Variants in MORC4 observed in about 807,000 individuals in gnomAD.
MORC4 encodes MORC family CW-type zinc finger 4, also known as MORC family CW-type zinc finger protein 4.
MORC4 carries 22 observed loss-of-function variants against 65.5 expected under a neutral mutation model. The ratio of observed to expected loss-of-function variants is 0.34; its 90% CI spans 0.24 to 0.48. The LOEUF is 0.48. MORC4 is among the 20% of genes least tolerant of loss of function. The pLI, the probability that MORC4 is intolerant of heterozygous loss-of-function variation, is 0.99. For missense variants in MORC4, 624 were observed against 703.0 expected (o/e 0.89, Z 1.27); for synonymous variants, 267 against 255.8 (o/e 1.04, Z -0.42).
intron 5 of MORC4, among the ~76,000 whole-genome samples, chrX:106,982,269 TA>T (rs1934762538): frequency 8.9e-6 from 1 of 112,295 alleles, no homozygotes; most frequent in African/African-American, 3.2e-5. Flanking sequence ...TAAAAAGAAA[TA>T]AATACATAAA....
At chrX:106,975,536 C>T (rs926747431) in intron 9 of MORC4, among the ~76,000 whole-genome samples, 1 of 111,430 alleles carries the variant, frequency 9.0e-6, no homozygotes, top group Non-Finnish European at 1.9e-5. Flanking sequence ...AATTAAGGTA[C>T]AAGACTTGAC....
At chrX:106,945,927 CACTAACCAAGACAGAGA>C (rs1341550291) in intron 14 of MORC4, among the ~76,000 whole-genome samples, 60 of 111,786 alleles carry the variant, frequency 5.4e-4, no homozygotes, top group African/African-American at 1.9e-3. Context: ...TGTATTATTT[CACTAACCAAGACAGAGA>C]ATGATACATT....
Position 106,958,497 on chromosome X carries a change from A to G in MORC4, c.1257-33T>C, listed in dbSNP as rs922554027. On this transcript the variant is annotated intron_variant, in intron 10 of 16. Transcript: ENST00000355610. ...AAGGAAAATGGAAGTGTGACTGTGT[A>G]TATCTTAGCTCTGTGCTTTGTCTTA... 2.6e-6 allele frequency: 3 copies of G among 1,170,007 alleles called. No individual in the cohort carries two copies. The African/African-American group carries it at 5.4e-5, about 21-fold the overall frequency.
chrX:106,944,163 C>T (rs867133258), intron 14 of MORC4, among the ~76,000 whole-genome samples: 4 of 112,292 alleles, frequency 3.6e-5, no homozygotes, highest in Admixed American at 9.4e-5. Flanking sequence ...GCCCATATTT[C>T]TCTGTATTTT....
chrX:106,963,540 C>T lies in MORC4; in HGVS notation c.1158-1430G>A, dbSNP rs188061635. ...TTGCAATTCTATCCTCTGATCACTG[C>T]TTGCTGCTTCTGATCACAGATGTGA... On this transcript the variant is annotated intron_variant, in intron 9 of 16. Coordinates refer to ENST00000355610, the MANE Select transcript of MORC4 (RefSeq NM_024657.5). Among the ~76,000 whole-genome samples the T allele has an allele frequency of 2.7e-5, 3 of 111,988 alleles. No individual in the cohort carries two copies. The Admixed American group carries it at 2.8e-4, about 11-fold the overall frequency.
rs766203494 is a variant in MORC4 at position 106,993,243 on chromosome X, G to A, written c.295C>T (p.His99Tyr). 6 of 1,208,303 alleles carry A rather than the reference G, an allele frequency of 5.0e-6. No homozygotes were observed. In the African/African-American group the frequency reaches 7.0e-5, roughly 14 times the overall value. ...AGACATTTTTACCTGAGCATTCGGT[G>A]TAGTTTATGAGGTGTCATCCCACAT... is the stretch of plus-strand genomic sequence containing the variant. ...DGCGMTPHKL[H>Y]RMLSFGFTDK... Residue 99 changes from histidine to tyrosine, a missense_variant, in exon 3 of 17, where the codon CAC becomes TAC. Physicochemically the swap from His to Tyr is moderately conservative, Grantham distance 83 (BLOSUM62 2). Transcript: ENST00000355610.
intron 9 of MORC4, among the ~76,000 whole-genome samples, chrX:106,962,995 T>C (rs1934285890): frequency 9.0e-6 from 1 of 111,293 alleles, no homozygotes; most frequent in African/African-American, 3.3e-5. Flanking sequence ...AACTCTTCCT[T>C]ATCTCTACCT....
chrX:106,969,229 G>C (rs1014445693), intron 9 of MORC4, among the ~76,000 whole-genome samples: 7 of 111,819 alleles, frequency 6.3e-5, no homozygotes, highest in African/African-American at 2.3e-4. Flanking sequence ...ATGACTGGTG[G>C]GTAAATAATG....
chrX:106,961,976 C>A (rs1367311532), intron 10 of MORC4, 36 bp downstream of exon 10: 1 of 1,029,650 alleles, frequency 9.7e-7, no homozygotes, highest in Non-Finnish European at 1.4e-6. Context: ...ATGGATATTA[C>A]CCCTAATACA....
intron 8 of MORC4, 94 bp from the exon 9 acceptor site, chrX:106,976,778 A>C: frequency 1.7e-6 from 1 of 577,011 alleles, no homozygotes; most frequent in Non-Finnish European, 2.9e-6. Context: ...AAGGTTACAT[A>C]ACCTTCATGG....
chrX:106,988,184 C>T (rs1054189951), intron 3 of MORC4, among the ~76,000 whole-genome samples: 6 of 112,163 alleles, frequency 5.3e-5, no homozygotes, highest in Non-Finnish European at 1.1e-4. Context: ...TAATCTTACA[C>T]ATCACTTCAA....
Position 106,958,330 on chromosome X carries a change from C to G in MORC4, c.1385+6G>C. Reference sequence around the variant, plus strand: ...TTGAGCATAAGATTGAGTCCTGGAACCTTACCTGTACTTTGGATGGGAATT... The same window carrying G: ...TTGAGCATAAGATTGAGTCCTGGAAGCTTACCTGTACTTTGGATGGGAATT... On this transcript the variant is annotated splice_donor_region_variant and intron_variant, in intron 11 of 16. Transcript: ENST00000355610. The G allele has an allele frequency of 8.3e-7, 1 of 1,199,971 alleles. No individual in the cohort carries two copies. Among genetic ancestry groups the G allele is most frequent in the Non-Finnish European group, 1.1e-6 (1 of 888,524 alleles).
chrX:106,947,925 G>T, intron 14 of MORC4, among the ~76,000 whole-genome samples: 1 of 109,236 alleles, frequency 9.2e-6, no homozygotes, highest in African/African-American at 3.3e-5. Context: ...ACAACAACTA[G>T]ATATATATAA....
chrX:106,974,681 G>C (rs1934586462), intron 9 of MORC4, among the ~76,000 whole-genome samples: 1 of 111,519 alleles, frequency 9.0e-6, no homozygotes, highest in Admixed American at 9.5e-5. Context: ...TGGTATTACA[G>C]ATGATTTATT....
chrX:106,941,390 G>GAGAGAGAC lies in MORC4; in HGVS notation c.*88_*89insGTCTCTCT, dbSNP rs1454031795. 3 of 700,465 alleles carry GAGAGAGAC rather than the reference G, an allele frequency of 4.3e-6. No homozygotes were observed. In the African/African-American group the frequency reaches 6.7e-5, roughly 16 times the overall value. The allele number at this position is 700,465 out of a possible 1,213,427, so 57.7% of individuals were successfully genotyped here. A position where few individuals can be genotyped will look rare whatever the true frequency, so the allele number is the denominator to read the frequency against. Reference sequence around the variant, plus strand: ...TGAGGGTGAGAGAGAGAGAGAGAGAGAGAGAGAGAGAGAGAGAGAGACGTG... The same window carrying GAGAGAGAC: ...TGAGGGTGAGAGAGAGAGAGAGAGAGAGAGAGACAGAGAGAGAGAGAGAGAGAGACGTG... On this transcript the variant is annotated 3_prime_UTR_variant, in exon 17 of 17. Coordinates refer to ENST00000355610, the MANE Select transcript of MORC4 (RefSeq NM_024657.5).
At chrX:106,964,656 A>T (rs1451316816) in intron 9 of MORC4, among the ~76,000 whole-genome samples, 1 of 111,969 alleles carries the variant, frequency 8.9e-6, no homozygotes, top group East Asian at 2.8e-4. Flanking sequence ...CATTCAAGGA[A>T]TCCTTGAAGT....
intron 3 of MORC4, among the ~76,000 whole-genome samples, chrX:106,990,354 T>C (rs1934957234): frequency 9.2e-6 from 1 of 108,847 alleles, no homozygotes; most frequent in Non-Finnish European, 1.9e-5. Context: ...CTTCCTGGGT[T>C]CAAGCAATCC....
intron 14 of MORC4, among the ~76,000 whole-genome samples, chrX:106,948,843 C>G (rs898185384): frequency 1.8e-5 from 2 of 111,172 alleles, no homozygotes; most frequent in Non-Finnish European, 3.8e-5. Context: ...GAATCATTTT[C>G]TCTTTGCTTT....
At chrX:106,958,993 C>G (rs763135202) in intron 10 of MORC4, among the ~76,000 whole-genome samples, 32 of 111,891 alleles carry the variant, frequency 2.9e-4, no homozygotes, top group African/African-American at 1.0e-3. Context: ...CATTTCCCTA[C>G]AGAGACTCCT....
Sources: gnomAD v4.1 joint callset for allele counts (sites outside exome capture counted in the v4.1 genomes callset) on GRCh38, gnomAD v4.1.1 for gene constraint, MANE v1.5 for transcripts, NCBI Gene and HGNC (gene_info 2026-07-23, HGNC 2026-07-21) for gene names.